Variants in NEGR1 observed in about 807,000 individuals in gnomAD.
NEGR1 encodes IgLON family member 4.
Under a neutral mutation model 40.9 loss-of-function variants are expected in NEGR1, and 10 were observed. The ratio of observed to expected loss-of-function variants is 0.24; its 90% CI spans 0.15 to 0.42. The LOEUF (loss-of-function observed/expected upper bound fraction) is 0.42. NEGR1 is among the 10% of genes least tolerant of loss of function. The pLI is 1.00. For missense variants in NEGR1, 352 were observed against 438.9 expected (o/e 0.80, Z 1.77); for synonymous variants, 185 against 166.8 (o/e 1.11, Z -0.84).
chr1:72,242,791 C>T (rs1362340574), intron 1 of NEGR1, among the ~76,000 whole-genome samples: 1 of 151,528 alleles, frequency 6.6e-6, no homozygotes, highest in Non-Finnish European at 1.5e-5. Context: ...ATGGCTTAAT[C>T]ATATTATGCA....
chr1:71,934,879 T>TTCTG (rs962795348), intron 2 of NEGR1, among the ~76,000 whole-genome samples, 200 bp downstream of exon 2: 3 of 152,160 alleles, frequency 2.0e-5, no homozygotes, highest in African/African-American at 4.8e-5. Context: ...GACTTTTTCA[T>TTCTG]TCTGTCTGTA....
chr1:72,161,348 G>A (rs11209928), intron 1 of NEGR1, among the ~76,000 whole-genome samples: 78,808 of 151,670 alleles, frequency 0.52, 21,219 homozygotes, highest in East Asian at 0.83. Context: ...TTAGAAGTTA[G>A]CTGGTACATT....
chr1:72,215,615 T>A (rs1653773583), intron 1 of NEGR1, among the ~76,000 whole-genome samples: 1 of 152,068 alleles, frequency 6.6e-6, no homozygotes, highest in Non-Finnish European at 1.5e-5. Context: ...AAAAAGCTCA[T>A]CATCACTGGT....
At chr1:71,831,318 G>T (rs1301902164) in intron 2 of NEGR1, among the ~76,000 whole-genome samples, 1 of 151,864 alleles carries the variant, frequency 6.6e-6, no homozygotes, top group Non-Finnish European at 1.5e-5. Context: ...GGAGTTTTTA[G>T]AGAGAAAAAA....
intron 3 of NEGR1, among the ~76,000 whole-genome samples, chr1:71,698,585 A>G (rs1455350139): frequency 6.6e-6 from 1 of 151,820 alleles, no homozygotes; most frequent in Non-Finnish European, 1.5e-5. Flanking sequence ...ACCCTTATTC[A>G]AGGATTCAAG....
chr1:72,281,319 A>T (rs754557585), intron 1 of NEGR1, among the ~76,000 whole-genome samples: 1 of 152,218 alleles, frequency 6.6e-6, no homozygotes, highest in Admixed American at 6.5e-5. Context: ...TGGAACAGAG[A>T]AGGAGAGTAT....
intron 4 of NEGR1, among the ~76,000 whole-genome samples, chr1:71,690,662 A>AGAGAGAGAGAGATT (rs1653245847): frequency 7.2e-6 from 1 of 138,524 alleles, no homozygotes; most frequent in Non-Finnish European, 1.6e-5. Flanking sequence ...AGAGAGAGAG[A>AGAGAGAGAGAGATT]GAGATTGAGA....
intron 1 of NEGR1, among the ~76,000 whole-genome samples, chr1:72,273,026 T>C (rs1655897327): frequency 6.6e-6 from 1 of 151,972 alleles, no homozygotes; most frequent in South Asian, 2.1e-4. Context: ...TCAAAGGTCC[T>C]CTGTCAGAAT....
intron 1 of NEGR1, among the ~76,000 whole-genome samples, chr1:72,085,213 CAT>C (rs545685852): frequency 3.9e-5 from 6 of 151,912 alleles, no homozygotes; most frequent in Non-Finnish European, 7.4e-5. Flanking sequence ...GGTATATGCG[CAT>C]ATATATATAC....
At chr1:72,121,533 G>C (rs1226742106) in intron 1 of NEGR1, among the ~76,000 whole-genome samples, 1 of 151,954 alleles carries the variant, frequency 6.6e-6, no homozygotes. Flanking sequence ...ATATAGGCAA[G>C]AGTGTAAAGG....
At chr1:71,942,484 T>TACATA (rs34446850) in intron 1 of NEGR1, among the ~76,000 whole-genome samples, 1 of 4,744 alleles carries the variant, frequency 2.1e-4, no homozygotes, top group African/African-American at 8.6e-4. Flanking sequence ...TATATATATA[T>TACATA]TTTTTTTTTT....
chr1:71,634,555 C>A (rs998920766), intron 4 of NEGR1, among the ~76,000 whole-genome samples: 9 of 152,094 alleles, frequency 5.9e-5, no homozygotes, highest in African/African-American at 2.2e-4. Flanking sequence ...CAAAGAGATC[C>A]TGAGTTCCTA....
intron 1 of NEGR1, among the ~76,000 whole-genome samples, chr1:71,982,211 A>G (rs896168128): frequency 2.0e-5 from 3 of 152,204 alleles, no homozygotes; most frequent in African/African-American, 4.8e-5. Flanking sequence ...CCAAGGCCCA[A>G]TGTAAATATG....
intron 1 of NEGR1, among the ~76,000 whole-genome samples, chr1:71,949,487 T>TA (rs139585514): frequency 6.6e-6 from 1 of 152,100 alleles, no homozygotes; most frequent in Non-Finnish European, 1.5e-5. Flanking sequence ...AGTTGGTACT[T>TA]AAAAAATAGT....
chr1:71,560,161 C>A (rs962943309), intron 6 of NEGR1, among the ~76,000 whole-genome samples: 1 of 151,144 alleles, frequency 6.6e-6, no homozygotes, highest in African/African-American at 2.4e-5. Flanking sequence ...TTCCTTTTAT[C>A]TGCAACTGAC....
intron 1 of NEGR1, among the ~76,000 whole-genome samples, chr1:72,269,441 C>T (rs1344133773): frequency 6.6e-6 from 1 of 151,538 alleles, no homozygotes; most frequent in Admixed American, 6.6e-5. Context: ...CTTTTAAGGA[C>T]TAGAGTGCAC....
intron 1 of NEGR1, among the ~76,000 whole-genome samples, chr1:72,198,459 C>A (rs1653078515): frequency 6.6e-6 from 1 of 151,858 alleles, no homozygotes; most frequent in African/African-American, 2.4e-5. Flanking sequence ...ACCATACTAG[C>A]CCTGGATTAC....
intron 1 of NEGR1, among the ~76,000 whole-genome samples, chr1:72,031,794 G>A (rs182390797): frequency 6.6e-6 from 1 of 152,130 alleles, no homozygotes; most frequent in Non-Finnish European, 1.5e-5. Context: ...AGGGAGGAAG[G>A]TTTGAGCCTA....
At chr1:71,970,604 A>C (rs1479295712) in intron 1 of NEGR1, among the ~76,000 whole-genome samples, 1 of 152,098 alleles carries the variant, frequency 6.6e-6, no homozygotes, top group Non-Finnish European at 1.5e-5. Flanking sequence ...CCGAGGGAGT[A>C]GAATCACTTG....
Sources: allele counts gnomAD v4.1 joint callset (sites outside exome capture counted in the v4.1 genomes callset), GRCh38; gene constraint gnomAD v4.1.1; transcripts MANE v1.5; gene names NCBI Gene and HGNC (gene_info 2026-07-23, HGNC 2026-07-21).